XCR1: variants seen among roughly 807,000 people sequenced by gnomAD.
XCR1 encodes X-C motif chemokine receptor 1, also known as chemokine XC receptor 1.
For missense variants in XCR1, 356 were observed against 424.2 expected, an observed-to-expected ratio of 0.84 and a Z score of 1.41; for synonymous variants, 187 against 188.5, an observed-to-expected ratio of 0.99 and a Z score of 0.06.
intron 5 of XCR1, among the ~76,000 whole-genome samples, chr3:46,040,315 C>G (rs1575419299): frequency 6.6e-6 from 1 of 151,954 alleles, no homozygotes; most frequent in Non-Finnish European, 1.5e-5. Flanking sequence ...GTGTTGTAAG[C>G]CTTTGATATT....
At chr3:46,075,382 C>T (rs1194304969) in intron 2 of XCR1, among the ~76,000 whole-genome samples, 1 of 141,988 alleles carries the variant, frequency 7.0e-6, no homozygotes, top group East Asian at 2.1e-4. Flanking sequence ...ACCTTATACA[C>T]AAATTAACTC....
intron 3 of XCR1, among the ~76,000 whole-genome samples, chr3:46,073,020 A>G (rs1277532841): frequency 6.6e-6 from 1 of 152,212 alleles, no homozygotes; most frequent in Non-Finnish European, 1.5e-5. Flanking sequence ...CACACTGGGG[A>G]AAAGATACCC....
chr3:46,047,745 G>C (rs548469792), intron 5 of XCR1, among the ~76,000 whole-genome samples: 40 of 152,354 alleles, frequency 2.6e-4, no homozygotes, highest in African/African-American at 9.1e-4. Flanking sequence ...TTGGATGCCA[G>C]TGTTGTATAA....
chr3:46,060,772 CT>C (rs1280062632), intron 4 of XCR1, among the ~76,000 whole-genome samples: 2 of 152,190 alleles, frequency 1.3e-5, no homozygotes, highest in African/African-American at 2.4e-5. Flanking sequence ...ATATTGGATG[CT>C]GATTTACAGC....
chr3:46,023,720 T>G, intron 1 of XCR1: 2 of 1,534,146 alleles, frequency 1.3e-6, no homozygotes, highest in Admixed American at 3.4e-5. Context: ...GACACACTAC[T>G]ATATTTACTT....
At chr3:46,079,363 A>G (rs530149213) in intron 1 of XCR1, among the ~76,000 whole-genome samples, 5 of 152,342 alleles carry the variant, frequency 3.3e-5, no homozygotes, top group Admixed American at 2.0e-4. Flanking sequence ...AGAACATGAA[A>G]TAGGATAATT....
chr3:46,070,537 T>C (rs1427898135), intron 3 of XCR1, among the ~76,000 whole-genome samples: 1 of 152,052 alleles, frequency 6.6e-6, no homozygotes, highest in Non-Finnish European at 1.5e-5. Context: ...TTATATATAA[T>C]GACCCTTGGG....
At chr3:46,076,888 T>G (rs1451850536) in exon 2 of XCR1, among the ~76,000 whole-genome samples, 1 of 152,166 alleles carries the variant, frequency 6.6e-6, no homozygotes, top group Non-Finnish European at 1.5e-5. Flanking sequence ...TGCACTTGAA[T>G]TTCATCTCAC....
chr3:46,024,438 A>T (rs368233070), intron 1 of XCR1, among the ~76,000 whole-genome samples: 2 of 152,210 alleles, frequency 1.3e-5, no homozygotes, highest in East Asian at 3.9e-4. Context: ...TACAAACCAA[A>T]TGGCTACTTG....
chr3:46,072,757 A>C (rs1310860398), intron 3 of XCR1, among the ~76,000 whole-genome samples: 1 of 152,208 alleles, frequency 6.6e-6, no homozygotes, highest in East Asian at 1.9e-4. Context: ...AATTTATTGG[A>C]ATTAGAAACA....
Position 46,036,371 on chromosome 3 carries a change from A to G in XCR1, c.-31-14393T>C, listed in dbSNP as rs190208225. 5.3e-5 allele frequency among the ~76,000 whole-genome samples: 8 copies of G among 152,364 alleles called. No homozygotes were observed. In the East Asian group the frequency reaches 1.5e-3, roughly 29 times the overall value. On this transcript the variant is annotated intron_variant, in intron 5 of 5. Coordinates refer to the XCR1 transcript ENST00000683768. Reference sequence around the variant, plus strand: ...ATGTTGGATTACATATGGGGCAAATAAAGTGTAACCACGTAAACCAATGAC... The same window carrying G: ...ATGTTGGATTACATATGGGGCAAATGAAGTGTAACCACGTAAACCAATGAC...
intron 1 of XCR1, among the ~76,000 whole-genome samples, chr3:46,083,972 G>C (rs1293427536): frequency 6.6e-6 from 1 of 152,128 alleles, no homozygotes; most frequent in East Asian, 1.9e-4. Flanking sequence ...CTAATCCTAT[G>C]TGCATTATAT....
chr3:46,078,421 T>C (rs1342874514), intron 1 of XCR1, among the ~76,000 whole-genome samples: 1 of 152,194 alleles, frequency 6.6e-6, no homozygotes, highest in East Asian at 1.9e-4. Flanking sequence ...TTTCCCATTT[T>C]TTGGTTGAAG....
upstream of XCR1, among the ~76,000 whole-genome samples, chr3:46,032,426 C>T (rs1474254473): frequency 6.6e-6 from 1 of 152,242 alleles, no homozygotes; most frequent in Admixed American, 6.5e-5. Context: ...CACAGCATAG[C>T]TGGCATGTCT....
intron 1 of XCR1, chr3:46,023,555 A>T: frequency 2.7e-6 from 4 of 1,508,274 alleles, no homozygotes; most frequent in Non-Finnish European, 3.7e-6. Flanking sequence ...TTGAAAGCCT[A>T]GCAGAACACA....
At chr3:46,063,304 T>A (rs549278225) in intron 4 of XCR1, among the ~76,000 whole-genome samples, 6 of 152,150 alleles carry the variant, frequency 3.9e-5, no homozygotes, top group Non-Finnish European at 2.9e-5. Flanking sequence ...CCTGAGCACA[T>A]AGGAGAAAGA....
intron 3 of XCR1, among the ~76,000 whole-genome samples, chr3:46,069,064 T>C (rs1698122698): frequency 1.3e-5 from 2 of 151,868 alleles, no homozygotes; most frequent in Non-Finnish European, 2.9e-5. Context: ...GAAATAAAAA[T>C]GAAAATACAA....
upstream of XCR1, among the ~76,000 whole-genome samples, chr3:46,031,613 G>A (rs1354117987): frequency 6.6e-6 from 1 of 152,232 alleles, no homozygotes; most frequent in East Asian, 1.9e-4. Context: ...AAGCTCCTGG[G>A]CAGAAAGGGC....
chr3:46,066,806 T>A (rs1313599837), intron 4 of XCR1, among the ~76,000 whole-genome samples: 5 of 152,254 alleles, frequency 3.3e-5, no homozygotes, highest in Admixed American at 6.5e-5. Flanking sequence ...TTTTGGCACC[T>A]CAGTTTTATT....
Sources: gnomAD v4.1 joint callset for allele counts (sites outside exome capture counted in the v4.1 genomes callset) on GRCh38, gnomAD v4.1.1 for gene constraint, MANE v1.5 for transcripts, NCBI Gene and HGNC (gene_info 2026-07-23, HGNC 2026-07-21) for gene names.